Variants in ANAPC2 observed in about 807,000 individuals in gnomAD.
ANAPC2 encodes the protein anaphase-promoting complex subunit 2.
Under a neutral mutation model 84.3 loss-of-function variants are expected in ANAPC2, and 29 were observed. The observed-to-expected ratio is 0.34, with a 90% CI of 0.26 to 0.47. The LOEUF is 0.47. Ranked by LOEUF, ANAPC2 falls within the 20% of genes least tolerant of loss-of-function variation. ANAPC2 has a pLI of 1.00. For synonymous variants in ANAPC2, 571 were observed against 479.4 expected (o/e 1.19, Z -2.50); for missense variants, 857 against 1,131.7 (o/e 0.76, Z 3.48).
At chr9:137,186,480 A>G (rs1834473252) in intron 2 of ANAPC2, 124 bp from the exon 3 acceptor site, 3 of 1,293,824 alleles carry the variant, frequency 2.3e-6, no homozygotes, top group Admixed American at 4.8e-5. Flanking sequence ...ACACACACCC[A>G]GCACACACCT....
chr9:137,186,510 G>C (rs1834473721), intron 2 of ANAPC2, 154 bp from the exon 3 acceptor site: 25 of 1,153,046 alleles, frequency 2.2e-5, no homozygotes, highest in Non-Finnish European at 3.0e-5. Flanking sequence ...CCTCAGCTGT[G>C]GGGGGCGGTT....
chr9:137,187,951 C>A lies in ANAPC2; in HGVS notation c.270G>T (p.Glu90Asp). The A allele has an allele frequency of 6.2e-7, 1 of 1,613,912 alleles. No individual in the cohort carries two copies. Among genetic ancestry groups the A allele is most frequent in the Admixed American group, 1.7e-5 (1 of 60,026 alleles). The change falls in exon 2 of 13, where the codon GAG becomes GAT. Residue 90 changes from glutamate to aspartate, a missense_variant. Physicochemically the swap from Glu to Asp is conservative, Grantham distance 45. Around this residue, in one of 3 missense-constraint regions of ANAPC2, gnomAD observed 428 missense variants for 513.8 expected, o/e 0.83. Transcript: ENST00000323927. ...CGCATTGGGAGATGGCATTCCAGAACTCAGGGGAGATGTTGGCCTGCAGAT... is the reference window on the plus strand; with the variant it reads ...CGCATTGGGAGATGGCATTCCAGAAATCAGGGGAGATGTTGGCCTGCAGAT... The part of the protein sequence containing the change: ...QNDLQANISP[E>D]FWNAISQCEN...
chr9:137,184,908 A>G lies in ANAPC2; in HGVS notation c.1048+5T>C. 2 of 1,611,612 alleles carry G rather than the reference A, an allele frequency of 1.2e-6. No individual in the cohort carries two copies. The highest frequency in any genetic ancestry group is 1.7e-6 in the Non-Finnish European group (2 of 1,179,390). On this transcript the variant is annotated splice_donor_5th_base_variant and intron_variant, in intron 4 of 12. Coordinates refer to ENST00000323927, the MANE Select transcript of ANAPC2 (RefSeq NM_013366.4). ...GAGCGGACCCCAGGGCCGGGGCAGG[A>G]CCACCTCGGACGATGCTGAAGAGCT...
rs748518569 is a variant in ANAPC2 at position 137,184,968 on chromosome 9, G to C, written c.993C>G (p.Phe331Leu). The C allele has an allele frequency of 1.2e-6, 2 of 1,612,458 alleles. No individual in the cohort carries two copies. The highest frequency in any genetic ancestry group is 2.7e-5 in the African/African-American group (2 of 74,902). ...GCAGGCTGGCGTAGATGCGGTAGAA[G>C]AACCTTTGCACGTGGCAGCGCCAGC... ...LRRWRCHVQR[F>L]FYRIYASLRI... Residue 331 changes from phenylalanine (F) to leucine (L), a missense_variant, in exon 4 of 13, where the codon TTC (phenylalanine) becomes TTG (leucine). By Grantham distance (22) the Phe-to-Leu change is conservative. Around this residue, in one of 3 missense-constraint regions of ANAPC2, gnomAD observed 428 missense variants for 513.8 expected, o/e 0.83. Coordinates refer to ENST00000323927, the MANE Select transcript of ANAPC2 (RefSeq NM_013366.4).
intron 7 of ANAPC2, among the ~76,000 whole-genome samples, chr9:137,181,328 A>C (rs1435018903): frequency 6.6e-6 from 1 of 152,162 alleles, no homozygotes; most frequent in Non-Finnish European, 1.5e-5. Context: ...AGGAGCTGGC[A>C]CCCTAACGGG....
intron 10 of ANAPC2, 134 bp downstream of exon 10, chr9:137,180,047 G>A (rs1043253544): frequency 1.4e-5 from 13 of 938,842 alleles, no homozygotes; most frequent in Middle Eastern, 3.3e-4. Context: ...CTCCTGCAGA[G>A]GCGGCTGCGA....
chr9:137,186,120 C>T, intron 3 of ANAPC2, 104 bp downstream of exon 3: 1 of 1,519,098 alleles, frequency 6.6e-7, no homozygotes, highest in Non-Finnish European at 8.9e-7. Context: ...TCTGGGCCCA[C>T]CCAGGCCTCC....
Position 137,175,043 on chromosome 9 carries a change from T to C in ANAPC2, c.2368A>G (p.Ile790Val). 1 of 1,605,326 alleles carries C rather than the reference T, an allele frequency of 6.2e-7. No individual in the cohort carries two copies. The highest frequency in any genetic ancestry group is 8.5e-7 in the Non-Finnish European group (1 of 1,176,804). The change falls in exon 13 of 13, where the codon ATT becomes GTT. Residue 790 changes from isoleucine to valine, a missense_variant. By Grantham distance (29) the Ile-to-Val change is conservative. Transcript: ENST00000323927. ...TAGCCCTGCAGCTCCTGCAGGTCAA[T>C]CTCGGCCAGTGCAGGCCCAGTCACC... ...FVVTGPALAE[I>V]DLQELQGYLQ...
chr9:137,174,929 G>GGCGGGCGA lies in ANAPC2; in HGVS notation c.*5_*12dup. 1.9e-6 allele frequency: 2 copies of GGCGGGCGA among 1,043,834 alleles called. No individual in the cohort carries two copies. Among genetic ancestry groups the GGCGGGCGA allele is most frequent in the Non-Finnish European group, 2.7e-6 (2 of 746,992 alleles). The allele number at this position is 1,043,834 out of a possible 1,614,324, so 64.7% of individuals were successfully genotyped here. A position where few individuals can be genotyped will look rare whatever the true frequency, so the allele number is the denominator to read the frequency against. On this transcript the variant is annotated 3_prime_UTR_variant, in exon 13 of 13. Transcript: ENST00000323927. The surrounding 1 kb of genome is among the most constrained non-coding windows in gnomAD (Gnocchi z 6.1). The stretch of plus-strand genomic sequence containing the variant: ...GCAGCGCCTGGCGGGCGGGCGGGCG[G>GGCGGGCGA]GCGGGCGATGTGTCAGCTGCAGTTC...
Position 137,188,543 on chromosome 9 carries a change from C to T in ANAPC2, c.-11G>A. 6.2e-7 allele frequency: 1 copy of T among 1,601,814 alleles called. No homozygotes were observed. ...AACTGCCGCCGCCATCTGCACCCAC[C>T]GACTCCGAGATTCGCTCGGCGCGGC... On this transcript the variant is annotated 5_prime_UTR_variant, in exon 1 of 13. Transcript: ENST00000323927.
At chr9:137,182,961 A>G (rs1186416357) in intron 6 of ANAPC2, among the ~76,000 whole-genome samples, 164 bp downstream of exon 6, 1 of 152,212 alleles carries the variant, frequency 6.6e-6, no homozygotes, top group Admixed American at 6.5e-5. Context: ...CACGGGCAAG[A>G]GGAAAGGAAA....
At chr9:137,183,415 C>A (rs1834384486) in intron 5 of ANAPC2, 173 bp from the exon 6 acceptor site, 1 of 753,382 alleles carries the variant, frequency 1.3e-6, no homozygotes, top group Admixed American at 2.6e-5. Context: ...TCCCGCCCTG[C>A]AGGGAGGTCT....
At chr9:137,184,033 G>C (rs916149308) in intron 4 of ANAPC2, among the ~76,000 whole-genome samples, 4 of 152,346 alleles carry the variant, frequency 2.6e-5, no homozygotes, top group Middle Eastern at 3.4e-3. Flanking sequence ...CCAAGGCCAA[G>C]GCAGCACAGC....
Position 137,181,341 on chromosome 9 carries a change from T to C in ANAPC2, c.1468+340A>G, listed in dbSNP as rs549871490. Among the ~76,000 whole-genome samples the C allele has an allele frequency of 3.9e-5, 6 of 152,314 alleles. No homozygotes were observed. In the East Asian group the frequency reaches 1.2e-3, roughly 29 times the overall value. The stretch of plus-strand genomic sequence containing the variant: ...GCAGGAGCTGGCACCCTAACGGGAC[T>C]TTGAGGCCCAAATCAGTACAGAGCT... On this transcript the variant is annotated intron_variant, in intron 7 of 12. Transcript: ENST00000323927.
chr9:137,186,496 C>G, intron 2 of ANAPC2, 140 bp from the exon 3 acceptor site: 4 of 1,235,804 alleles, frequency 3.2e-6, no homozygotes, highest in Non-Finnish European at 3.3e-6. Context: ...CACCTCCCCA[C>G]AATCCTCAGC....
At chr9:137,183,024 C>G in intron 6 of ANAPC2, 101 bp downstream of exon 6, 1 of 937,042 alleles carries the variant, frequency 1.1e-6, no homozygotes, top group Non-Finnish European at 1.7e-6. Flanking sequence ...GACCTTGTGT[C>G]CTGACGGCCG....
chr9:137,181,672 CAAGCT>C lies in ANAPC2; in HGVS notation c.1468+4_1468+8del. ...CACTGGTGAAAGGGACCATGTGGGG[CAAGCT>C]AACCTGGATCGGCATCCACAGGGTC... is the stretch of plus-strand genomic sequence containing the variant. On this transcript the variant is annotated splice_donor_5th_base_variant and intron_variant, in intron 7 of 12. Transcript: ENST00000323927. 1 of 1,582,638 alleles carries C rather than the reference CAAGCT, an allele frequency of 6.3e-7. No homozygotes were observed. Among genetic ancestry groups the C allele is most frequent in the Non-Finnish European group, 8.6e-7 (1 of 1,160,424 alleles).
chr9:137,187,126 G>C (rs1321311690), intron 2 of ANAPC2: 2 of 267,618 alleles, frequency 7.5e-6, no homozygotes, highest in African/African-American at 4.3e-5. Context: ...CACAATTACA[G>C]GGCAAGGAAT....
rs1214233114 is a variant in ANAPC2 at position 137,187,432 on chromosome 9, C to T, written c.740+49G>A. The stretch of plus-strand genomic sequence containing the variant: ...AGGCCAGCTGGACCCAGGGGAGCAG[C>T]GGGGAACCAGAAGGAGCAAGGGCAT... On this transcript the variant is annotated intron_variant, in intron 2 of 12. Transcript: ENST00000323927. 13 of 1,556,888 alleles carry T rather than the reference C, an allele frequency of 8.3e-6. No homozygotes were observed. In the South Asian group the frequency reaches 1.1e-4, roughly 13 times the overall value.
Sources: allele counts gnomAD v4.1 joint callset (sites outside exome capture counted in the v4.1 genomes callset), GRCh38; gene constraint gnomAD v4.1.1; regional missense constraint gnomAD v4.1.1; non-coding constraint Gnocchi (gnomAD v3.1); transcripts MANE v1.5; gene names NCBI Gene and HGNC (gene_info 2026-07-23, HGNC 2026-07-21).